Variants in ATP13A5 observed in about 807,000 individuals in gnomAD.
ATP13A5 encodes ATPase 13A5.
Under a neutral mutation model 150.2 loss-of-function variants are expected in ATP13A5, and 149 were observed. The observed-to-expected ratio is 0.99, with a 90% CI of 0.87 to 1.14. The LOEUF is 1.14. Among genes scored for constraint, ATP13A5 ranks in the 50% most tolerant of loss-of-function variants. The probability of loss-of-function intolerance (pLI) is 0.00; values close to 1 mark genes in which losing one functional copy is unlikely to be tolerated. For missense variants in ATP13A5, 1,383 were observed against 1,449.3 expected (o/e 0.95, Z 0.74); for synonymous variants, 497 against 522.2 (o/e 0.95, Z 0.66).
At chr3:193,340,626 G>A (rs979865350) in intron 9 of ATP13A5, among the ~76,000 whole-genome samples, 1 of 152,132 alleles carries the variant, frequency 6.6e-6, no homozygotes, top group African/African-American at 2.4e-5. Flanking sequence ...GGGGATTGCG[G>A]CAGAGTGCAT....
At chr3:193,300,344 C>G (rs113977215) in intron 24 of ATP13A5, among the ~76,000 whole-genome samples, 1 of 152,094 alleles carries the variant, frequency 6.6e-6, no homozygotes, top group African/African-American at 2.4e-5. Flanking sequence ...AGGTTTTGGC[C>G]AAAGGCAAGA....
At chr3:193,332,637 T>C (rs10937581) in intron 11 of ATP13A5, among the ~76,000 whole-genome samples, 2 of 151,996 alleles carry the variant, frequency 1.3e-5, no homozygotes, top group Admixed American at 1.3e-4. Flanking sequence ...TATCAATTTA[T>C]CACAAAATTC....
At chr3:193,275,813 C>T (rs959984043) in intron 29 of ATP13A5, among the ~76,000 whole-genome samples, 2 of 152,116 alleles carry the variant, frequency 1.3e-5, no homozygotes, top group Admixed American at 6.5e-5. Context: ...AATTTTGCAT[C>T]CCAGTTTTAT....
At chr3:193,287,567 G>A (rs1717771176) in intron 26 of ATP13A5, among the ~76,000 whole-genome samples, 2 of 152,056 alleles carry the variant, frequency 1.3e-5, no homozygotes, top group African/African-American at 4.8e-5. Flanking sequence ...AATATTTCAA[G>A]CCCACTGTTC....
chr3:193,321,230 T>G (rs897245615), intron 16 of ATP13A5, among the ~76,000 whole-genome samples: 1 of 152,158 alleles, frequency 6.6e-6, no homozygotes, highest in African/African-American at 2.4e-5. Context: ...GCCTTGAAAT[T>G]ATCACCCCTG....
chr3:193,296,396 T>G (rs1418106231), intron 25 of ATP13A5, among the ~76,000 whole-genome samples: 1 of 152,170 alleles, frequency 6.6e-6, no homozygotes, highest in African/African-American at 2.4e-5. Context: ...TTCAATTTTC[T>G]GCATATGGCT....
chr3:193,355,046 C>T (rs1216871417), intron 5 of ATP13A5, among the ~76,000 whole-genome samples: 2 of 150,998 alleles, frequency 1.3e-5, no homozygotes, highest in Non-Finnish European at 2.9e-5. Context: ...GATTCTCCTG[C>T]CTCTGCCTCC....
intron 17 of ATP13A5, 41 bp downstream of exon 17, chr3:193,318,950 G>A (rs73888251): frequency 2.8e-6 from 4 of 1,416,504 alleles, no homozygotes; most frequent in South Asian, 1.2e-5. Flanking sequence ...GCACTTCATG[G>A]GCACAGAGCC....
At chr3:193,286,545 G>A (rs559907001) in intron 26 of ATP13A5, among the ~76,000 whole-genome samples, 7 of 152,084 alleles carry the variant, frequency 4.6e-5, no homozygotes, top group South Asian at 2.1e-4. Flanking sequence ...GATCTTTGGC[G>A]TTTCTATCAT....
Position 193,307,336 on chromosome 3 carries a change from G to A in ATP13A5, c.2559C>T (p.Asn853=), listed in dbSNP as rs766721308. The A allele has an allele frequency of 9.9e-6, 16 of 1,613,746 alleles. No homozygotes were observed. Among genetic ancestry groups the A allele is most frequent in the African/African-American group, 9.3e-5 (7 of 74,902 alleles). Residue 853 remains asparagine, a synonymous_variant, in exon 22 of 30, where the codon AAC becomes AAT. Transcript: ENST00000342358. ...AGCCATTTCTACTCACCCCACAGTCGTTAGCTCCATCTCCACACATGCCCA... is the reference window on the plus strand; with the variant it reads ...AGCCATTTCTACTCACCCCACAGTCATTAGCTCCATCTCCACACATGCCCA... The part of the protein sequence containing the change: ...YYVGMCGDGA[N]DCGALKAAHA...
Position 193,311,935 on chromosome 3 carries a change from A to C in ATP13A5, c.2326T>G (p.Tyr776Asp). Reference sequence around the variant, plus strand: ...GTTGAACTGTTTCCAGTATGCATGTAGATTTCCTAAAATCAAAAGGGCATC... The same window carrying C: ...GTTGAACTGTTTCCAGTATGCATGTCGATTTCCTAAAATCAAAAGGGCATC... ...QETGPGKKEI[Y>D]MHTGNSSTPR... Residue 776 changes from tyrosine (Y) to aspartate (D), a missense_variant, in exon 20 of 30, where the codon TAC becomes GAC. Around this residue, in one of 3 missense-constraint regions of ATP13A5, gnomAD observed 568 missense variants for 621.5 expected, o/e 0.91. Coordinates refer to ENST00000342358, the MANE Select transcript of ATP13A5 (RefSeq NM_198505.4). 6.2e-7 allele frequency: 1 copy of C among 1,613,724 alleles called. No homozygotes were observed. The highest frequency in any genetic ancestry group is 8.5e-7 in the Non-Finnish European group (1 of 1,179,752).
At chr3:193,347,388 C>A (rs1315443519) in intron 7 of ATP13A5, among the ~76,000 whole-genome samples, 1 of 152,078 alleles carries the variant, frequency 6.6e-6, no homozygotes, top group Non-Finnish European at 1.5e-5. Flanking sequence ...AATCTTTTCA[C>A]CATCATTTAC....
intron 26 of ATP13A5, among the ~76,000 whole-genome samples, chr3:193,288,243 C>A (rs547204771): frequency 6.6e-6 from 1 of 152,010 alleles, no homozygotes; most frequent in Non-Finnish European, 1.5e-5. Context: ...GCAGGGTTTG[C>A]GAGAATTCAC....
rs773463585 is a variant in ATP13A5, at chr3:193,311,851, C to G, written c.2410G>C (p.Val804Leu). ...HFAMSGKSYQ[V>L]IFQHFNSLLP... ...AAGCTGTTGAAATGCTGAAATATCACTTGGTATGATTTCCCACTCATTGCA... is the reference window on the plus strand; with the variant it reads ...AAGCTGTTGAAATGCTGAAATATCAGTTGGTATGATTTCCCACTCATTGCA... The change falls in exon 20 of 30, where the codon GTG becomes CTG. Residue 804 changes from valine (V) to leucine (L), a missense_variant. By Grantham distance (32) the Val-to-Leu change is conservative. Coordinates refer to ENST00000342358, the MANE Select transcript of ATP13A5 (RefSeq NM_198505.4). 4 of 1,613,922 alleles carry G rather than the reference C, an allele frequency of 2.5e-6. No individual in the cohort carries two copies. Among genetic ancestry groups the G allele is most frequent in the Non-Finnish European group, 3.4e-6 (4 of 1,179,884 alleles).
At chr3:193,299,316 C>G in intron 24 of ATP13A5, 113 bp from the exon 25 acceptor site, 1 of 722,938 alleles carries the variant, frequency 1.4e-6, no homozygotes, top group Non-Finnish European at 2.2e-6. Flanking sequence ...TTTTTTCCCT[C>G]TTCAGGAAGA....
intron 14 of ATP13A5, among the ~76,000 whole-genome samples, chr3:193,324,362 C>T (rs1329913595): frequency 6.6e-6 from 1 of 152,148 alleles, no homozygotes; most frequent in Non-Finnish European, 1.5e-5. Context: ...ATTAAAAATT[C>T]AGTTTCTCAG....
intron 24 of ATP13A5, among the ~76,000 whole-genome samples, chr3:193,300,890 T>G (rs1718370779): frequency 6.6e-6 from 1 of 152,180 alleles, no homozygotes; most frequent in African/African-American, 2.4e-5. Flanking sequence ...AATTGGAGAC[T>G]CATCCATTTC....
At chr3:193,359,502 C>G (rs988618916) in intron 5 of ATP13A5, among the ~76,000 whole-genome samples, 1 of 152,190 alleles carries the variant, frequency 6.6e-6, no homozygotes, top group Admixed American at 6.5e-5. Flanking sequence ...AACCTACCTT[C>G]TCTTGCTGTC....
chr3:193,373,227 C>A (rs1192730982), intron 1 of ATP13A5, among the ~76,000 whole-genome samples: 2 of 152,122 alleles, frequency 1.3e-5, no homozygotes, highest in Non-Finnish European at 2.9e-5. Context: ...CAACCTCTGC[C>A]TCCCAGGTTC....
Sources: gnomAD v4.1 joint callset for allele counts (sites outside exome capture counted in the v4.1 genomes callset) on GRCh38, gnomAD v4.1.1 for gene constraint, gnomAD v4.1.1 regional missense constraint, MANE v1.5 for transcripts, NCBI Gene and HGNC (gene_info 2026-07-23, HGNC 2026-07-21) for gene names.